The following EIPR1 variants were observed in gnomAD, a reference collection of about 807,000 sequenced individuals.
EIPR1 encodes EARP complex and GARP complex interacting protein 1.
A neutral mutation model predicts 48.1 loss-of-function variants in EIPR1; 25 were observed. That is an observed-to-expected ratio of 0.52 (90% CI 0.38 to 0.73). The LOEUF (loss-of-function observed/expected upper bound fraction) is 0.73, where lower values mean the gene tolerates loss of function less well. Ranked by LOEUF, EIPR1 falls within the 30% of genes least tolerant of loss-of-function variation. The pLI is 0.00. For synonymous variants in EIPR1, 204 were observed against 201.9 expected (o/e 1.01, Z -0.09); for missense variants, 415 against 506.2 (o/e 0.82, Z 1.73).
chr2:3,333,313 G>A (rs943626597), intron 3 of EIPR1, among the ~76,000 whole-genome samples: 1 of 152,312 alleles, frequency 6.6e-6, no homozygotes, highest in Middle Eastern at 3.4e-3. Flanking sequence ...TGTAAACGCT[G>A]TTGCTTCTGA....
chr2:3,335,478 G>T (rs764628128), intron 3 of EIPR1, among the ~76,000 whole-genome samples: 4 of 152,218 alleles, frequency 2.6e-5, no homozygotes, highest in East Asian at 1.9e-4. Context: ...GTTTCCTGGT[G>T]GGGGGACAGG....
chr2:3,347,646 G>C (rs1670444168), intron 2 of EIPR1, among the ~76,000 whole-genome samples: 2 of 152,194 alleles, frequency 1.3e-5, no homozygotes. Context: ...AAGAGTGAGG[G>C]AAAAGGGGAA....
intron 3 of EIPR1, chr2:3,301,556 A>G (rs1439897885): frequency 6.6e-6 from 1 of 152,236 alleles, no homozygotes; most frequent in African/African-American, 2.4e-5. Flanking sequence ...CAGGCTCATT[A>G]TTGAGTAATT....
intron 4 of EIPR1, among the ~76,000 whole-genome samples, chr2:3,238,040 C>T (rs1306733328): frequency 6.6e-6 from 1 of 152,160 alleles, no homozygotes; most frequent in Non-Finnish European, 1.5e-5. Context: ...ACCCAAATGC[C>T]AACAGCCTCC....
At chr2:3,325,785 A>C (rs1406820802) in intron 3 of EIPR1, among the ~76,000 whole-genome samples, 1 of 152,234 alleles carries the variant, frequency 6.6e-6, no homozygotes, top group Non-Finnish European at 1.5e-5. Flanking sequence ...ATTTCAGGCT[A>C]TAAATCATGT....
At chr2:3,283,235 T>G (rs1329429810) in intron 3 of EIPR1, among the ~76,000 whole-genome samples, 1 of 152,202 alleles carries the variant, frequency 6.6e-6, no homozygotes, top group South Asian at 2.1e-4. Context: ...AGAGGGTCCA[T>G]GCAGCAAATG....
At chr2:3,258,802 T>A (rs1025704374) in intron 3 of EIPR1, among the ~76,000 whole-genome samples, 4 of 152,214 alleles carry the variant, frequency 2.6e-5, no homozygotes, top group Non-Finnish European at 2.9e-5. Context: ...ATATTGGGTC[T>A]AAAAGAACAT....
At chr2:3,232,540 T>C (rs1666274107) in intron 4 of EIPR1, among the ~76,000 whole-genome samples, 1 of 152,194 alleles carries the variant, frequency 6.6e-6, no homozygotes, top group Admixed American at 6.5e-5. Flanking sequence ...TGATCTCCTG[T>C]TTCAATGTTG....
At chr2:3,298,972 T>G (rs1411649678) in intron 3 of EIPR1, among the ~76,000 whole-genome samples, 1 of 152,124 alleles carries the variant, frequency 6.6e-6, no homozygotes, top group African/African-American at 2.4e-5. Context: ...CGCTCAGATC[T>G]TTGCCCTGGG....
At chr2:3,349,953 G>T (rs1670520277) in intron 2 of EIPR1, among the ~76,000 whole-genome samples, 1 of 151,988 alleles carries the variant, frequency 6.6e-6, no homozygotes, top group South Asian at 2.1e-4. Flanking sequence ...GCAAAACCCT[G>T]TCTCTACTAA....
chr2:3,310,652 C>CAAA (rs751422009), intron 3 of EIPR1, among the ~76,000 whole-genome samples: 29 of 55,226 alleles, frequency 5.3e-4, no homozygotes, highest in African/African-American at 9.1e-4. Context: ...GACTCCGTCT[C>CAAA]AAAAAAAAAA....
At chr2:3,362,627 G>A (rs1400091168) in intron 1 of EIPR1, among the ~76,000 whole-genome samples, 1 of 149,782 alleles carries the variant, frequency 6.7e-6, no homozygotes, top group East Asian at 2.0e-4. Flanking sequence ...TCCAGCCTGG[G>A]TGACAGAGCG....
intron 3 of EIPR1, among the ~76,000 whole-genome samples, chr2:3,267,048 T>C (rs898724850): frequency 6.6e-6 from 1 of 152,164 alleles, no homozygotes; most frequent in African/African-American, 2.4e-5. Context: ...CCTGAATCAA[T>C]GCCAGTCCTA....
At chr2:3,216,726 C>A (rs1278266440) in intron 4 of EIPR1, among the ~76,000 whole-genome samples, 1 of 152,230 alleles carries the variant, frequency 6.6e-6, no homozygotes, top group Non-Finnish European at 1.5e-5. Context: ...TAAAACTCTT[C>A]TATGTTCCCC....
intron 3 of EIPR1, among the ~76,000 whole-genome samples, chr2:3,332,793 A>C (rs570821609): frequency 3.0e-4 from 46 of 152,268 alleles, no homozygotes; most frequent in African/African-American, 9.9e-4. Flanking sequence ...TCCCCCTTCC[A>C]CCAACTCCAA....
intron 3 of EIPR1, among the ~76,000 whole-genome samples, chr2:3,310,992 A>G (rs1227016692): frequency 6.6e-6 from 1 of 152,196 alleles, no homozygotes; most frequent in Non-Finnish European, 1.5e-5. Flanking sequence ...CAAGACCCCG[A>G]GCAAACCAAT....
chr2:3,220,051 G>C (rs928520489), intron 4 of EIPR1, among the ~76,000 whole-genome samples: 4 of 152,206 alleles, frequency 2.6e-5, no homozygotes. Flanking sequence ...GCATGAGAGG[G>C]ATCTAGGCTG....
intron 3 of EIPR1, among the ~76,000 whole-genome samples, chr2:3,328,899 G>A (rs113975985): frequency 1.0e-3 from 122 of 118,330 alleles, no homozygotes; most frequent in South Asian, 2.0e-3. Flanking sequence ...ATCTCGGGGT[G>A]CCAGCCTGGG....
chr2:3,194,738 G>A lies in EIPR1; in HGVS notation c.654-572C>T, dbSNP rs184471133. ...AAGGCCATGGAAGCAGGAAGGGGCC[G>A]GCTATCTATCTATCTATAGATATAT... On this transcript the variant is annotated intron_variant, in intron 6 of 8. Coordinates refer to ENST00000382125, the MANE Select transcript of EIPR1 (RefSeq NM_003310.5). Among the ~76,000 whole-genome samples the A allele has an allele frequency of 1.6e-3, 244 of 151,614 alleles. 1 individual carries two copies. Among genetic ancestry groups the A allele is most frequent in the Non-Finnish European group, 2.6e-3 (174 of 67,914 alleles).
Sources: allele counts gnomAD v4.1 joint callset (sites outside exome capture counted in the v4.1 genomes callset), GRCh38; gene constraint gnomAD v4.1.1; transcripts MANE v1.5; gene names NCBI Gene and HGNC (gene_info 2026-07-23, HGNC 2026-07-21).